The following CDYL2 variants were observed in gnomAD, a reference collection of about 807,000 sequenced individuals.
CDYL2 encodes the protein chromodomain Y like 2, also known as chromodomain Y-like protein 2.
CDYL2 carries 23 observed loss-of-function variants against 49.4 expected under a neutral mutation model. That is an observed-to-expected ratio of 0.47 (90% CI 0.34 to 0.66). CDYL2 has a LOEUF of 0.66. Ranked by LOEUF, CDYL2 falls within the 30% of genes least tolerant of loss-of-function variation. CDYL2 has a pLI of 0.01. For missense variants in CDYL2, 678 were observed against 656.4 expected, an observed-to-expected ratio of 1.03 and a Z score of -0.36; for synonymous variants, 360 against 268.8, an observed-to-expected ratio of 1.34 and a Z score of -3.32.
chr16:80,805,013 G>C (rs990807189), upstream of CDYL2, among the ~76,000 whole-genome samples: 2 of 152,192 alleles, frequency 1.3e-5, no homozygotes, highest in African/African-American at 4.8e-5. Context: ...CAGGGAGGAA[G>C]GATGAAATGG....
intron 3 of CDYL2, among the ~76,000 whole-genome samples, chr16:80,626,604 T>C (rs28758801): frequency 0.11 from 16,938 of 152,146 alleles, 3,003 homozygotes; most frequent in African/African-American, 0.38. Flanking sequence ...CACTGGATTG[T>C]TAAAACAAGA....
chr16:80,651,791 C>T (rs1314304533), intron 2 of CDYL2, among the ~76,000 whole-genome samples: 1 of 152,150 alleles, frequency 6.6e-6, no homozygotes, highest in African/African-American at 2.4e-5. Context: ...GCACTGTACT[C>T]CAGTTGAAAA....
At chr16:80,678,330 C>T (rs541675790) in intron 2 of CDYL2, among the ~76,000 whole-genome samples, 9,670 of 152,086 alleles carry the variant, frequency 0.064, 681 homozygotes, top group African/African-American at 0.18. Flanking sequence ...AGGCAACCCA[C>T]AAAATGGGAG....
intron 4 of CDYL2, among the ~76,000 whole-genome samples, chr16:80,615,529 G>A (rs1438293957): frequency 2.0e-5 from 3 of 152,046 alleles, no homozygotes; most frequent in South Asian, 2.1e-4. Flanking sequence ...AAGAGGGTCC[G>A]TGCCTGTCAA....
intron 1 of CDYL2, among the ~76,000 whole-genome samples, chr16:80,770,872 G>C (rs76652109): frequency 0.094 from 14,344 of 152,186 alleles, 740 homozygotes; most frequent in Middle Eastern, 0.12. Context: ...TAAACGATTA[G>C]ACAGCCAAGA....
At chr16:80,629,890 T>C (rs1462841689) in intron 3 of CDYL2, among the ~76,000 whole-genome samples, 2 of 152,234 alleles carry the variant, frequency 1.3e-5, no homozygotes, top group Non-Finnish European at 2.9e-5. Flanking sequence ...ATTTATTACA[T>C]ACCTCCTATA....
At chr16:80,799,356 C>T (rs1396077503) in intron 1 of CDYL2, among the ~76,000 whole-genome samples, 2 of 152,260 alleles carry the variant, frequency 1.3e-5, no homozygotes, top group East Asian at 3.9e-4. Context: ...ATTAACACTT[C>T]CCCACTGTAC....
intron 4 of CDYL2, among the ~76,000 whole-genome samples, chr16:80,615,694 T>C (rs1906797340): frequency 6.6e-6 from 1 of 152,050 alleles, no homozygotes; most frequent in Admixed American, 6.6e-5. Flanking sequence ...CATTCTGTGT[T>C]TTCCAACCTG....
intron 2 of CDYL2, among the ~76,000 whole-genome samples, chr16:80,645,048 C>G (rs1342055391): frequency 2.0e-5 from 3 of 152,060 alleles, no homozygotes; most frequent in Non-Finnish European, 4.4e-5. Flanking sequence ...AGAAGAAAAC[C>G]TAGGCAATAC....
chr16:80,769,380 T>A (rs1038855291), intron 1 of CDYL2, among the ~76,000 whole-genome samples: 1 of 152,264 alleles, frequency 6.6e-6, no homozygotes, highest in Non-Finnish European at 1.5e-5. Context: ...CAAGTAACTA[T>A]ACTAAAGCTT....
intron 3 of CDYL2, among the ~76,000 whole-genome samples, chr16:80,632,181 G>A (rs1448568041): frequency 2.0e-5 from 3 of 152,040 alleles, no homozygotes. Context: ...CGAACAAATA[G>A]AAAAGGTGAT....
chr16:80,727,772 C>T (rs1905211205), intron 1 of CDYL2, among the ~76,000 whole-genome samples: 1 of 152,224 alleles, frequency 6.6e-6, no homozygotes. Flanking sequence ...AGACTGCCTC[C>T]TCAAGTGGGT....
chr16:80,688,278 G>A (rs1395188210), intron 1 of CDYL2, among the ~76,000 whole-genome samples: 3 of 152,166 alleles, frequency 2.0e-5, no homozygotes, highest in African/African-American at 2.4e-5. Flanking sequence ...TACCAATGAT[G>A]AGCAGTATTA....
At chr16:80,764,624 T>C (rs370513690) in intron 1 of CDYL2, among the ~76,000 whole-genome samples, 66 of 152,278 alleles carry the variant, frequency 4.3e-4, no homozygotes, top group African/African-American at 1.4e-3. Context: ...TCAGGTATGT[T>C]AATAAACTGT....
chr16:80,751,411 T>C (rs1321682948), intron 1 of CDYL2, among the ~76,000 whole-genome samples: 2 of 152,142 alleles, frequency 1.3e-5, no homozygotes, highest in Admixed American at 6.5e-5. Flanking sequence ...TTGAGCAGTA[T>C]AGGGGTAGAT....
At chr16:80,736,876 T>C (rs1485508893) in intron 1 of CDYL2, among the ~76,000 whole-genome samples, 1 of 152,266 alleles carries the variant, frequency 6.6e-6, no homozygotes, top group African/African-American at 2.4e-5. Context: ...ACTGTTCACT[T>C]GCACATGGAT....
chr16:80,698,840 C>T (rs1904287270), intron 1 of CDYL2, among the ~76,000 whole-genome samples: 1 of 152,120 alleles, frequency 6.6e-6, no homozygotes, highest in African/African-American at 2.4e-5. Context: ...AATTAAAACT[C>T]TTTTCAAGTT....
chr16:80,641,549 G>A (rs57313656), intron 2 of CDYL2, among the ~76,000 whole-genome samples: 7,362 of 151,906 alleles, frequency 0.048, 552 homozygotes, highest in African/African-American at 0.17. Flanking sequence ...CATATACACC[G>A]TGGAATACTA....
chr16:80,750,288 C>A (rs1411010217), intron 1 of CDYL2, among the ~76,000 whole-genome samples: 3 of 149,516 alleles, frequency 2.0e-5, no homozygotes, highest in African/African-American at 7.4e-5. Flanking sequence ...GTACAAAAAG[C>A]AAAAAACACA....
Sources: gnomAD v4.1 joint callset for allele counts (sites outside exome capture counted in the v4.1 genomes callset) on GRCh38, gnomAD v4.1.1 for gene constraint, MANE v1.5 for transcripts, NCBI Gene and HGNC (gene_info 2026-07-23, HGNC 2026-07-21) for gene names.